Variants in CRTC1 observed in about 807,000 individuals in gnomAD.
CRTC1 encodes the protein CREB regulated transcription coactivator 1, also known as CREB-regulated transcription coactivator 1.
CRTC1 carries 18 observed loss-of-function variants against 66.1 expected under a neutral mutation model. The ratio of observed to expected loss-of-function variants is 0.27; its 90% CI spans 0.19 to 0.40. The LOEUF (loss-of-function observed/expected upper bound fraction) is 0.40, where lower values mean the gene tolerates loss of function less well. CRTC1 is among the 10% of genes least tolerant of loss of function. The probability of loss-of-function intolerance (pLI) is 1.00; values close to 1 mark genes in which losing one functional copy is unlikely to be tolerated. For missense variants in CRTC1, 669 were observed against 887.9 expected (o/e 0.75, Z 3.13); for synonymous variants, 416 against 398.8 (o/e 1.04, Z -0.51).
intron 13 of CRTC1, among the ~76,000 whole-genome samples, chr19:18,776,851 G>A (rs959920225): frequency 1.3e-5 from 2 of 152,178 alleles, no homozygotes; most frequent in East Asian, 1.9e-4. Flanking sequence ...TGAGGGAGCC[G>A]GGGAGGTCCC....
At position 18,759,578 on chromosome 19, in the gene CRTC1, G is replaced by T; in HGVS notation, c.652G>T (p.Val218Phe). ...GGGGTCCAGGCCCAAGTCCTGTGAG[G>T]TCCCCGGAATCAAGTAAGTCTCCAC... is the stretch of plus-strand genomic sequence containing the variant. ...KTGSRPKSCE[V>F]PGINIFPSAD... Residue 218 changes from valine (V) to phenylalanine (F), a missense_variant, in exon 7 of 14, where the codon GTC (valine) becomes TTC (phenylalanine). Physicochemically the swap from Val to Phe is conservative, Grantham distance 50 (BLOSUM62 -1). This residue lies in a region of CRTC1 where 214 missense variants were observed against 323.4 expected (regional missense o/e 0.66). Transcript: ENST00000321949. The T allele has an allele frequency of 1.2e-6, 2 of 1,613,022 alleles. No individual in the cohort carries two copies. The highest frequency in any genetic ancestry group is 1.7e-6 in the Non-Finnish European group (2 of 1,179,698).
chr19:18,769,128 C>T (rs1050701088), intron 10 of CRTC1, among the ~76,000 whole-genome samples: 4 of 152,200 alleles, frequency 2.6e-5, no homozygotes, highest in African/African-American at 4.8e-5. Flanking sequence ...AAGAGTACGG[C>T]GTTCTCAGGG....
intron 6 of CRTC1, 112 bp from the exon 7 acceptor site, chr19:18,759,439 T>C: frequency 9.0e-7 from 1 of 1,113,400 alleles, no homozygotes; most frequent in Non-Finnish European, 1.3e-6. Flanking sequence ...GTTCTCATGA[T>C]GCATCTCTGG....
At chr19:18,750,576 C>T (rs1415320129) in intron 5 of CRTC1, among the ~76,000 whole-genome samples, 1 of 152,238 alleles carries the variant, frequency 6.6e-6, no homozygotes, top group African/African-American at 2.4e-5. Context: ...TTGAGGCCAG[C>T]CCCAGGGAAC....
rs116025623 is a variant in CRTC1 at position 18,684,614 on chromosome 19, A to G, written c.126+786A>G. On this transcript the variant is annotated intron_variant, in intron 1 of 13. Coordinates refer to ENST00000321949, the MANE Select transcript of CRTC1 (RefSeq NM_015321.3). Reference sequence around the variant, plus strand: ...CAGCTGCCCCTTCTCCATGTAGCCCATATGGTGGGGGCCAGGTGATGTTCC... The same window carrying G: ...CAGCTGCCCCTTCTCCATGTAGCCCGTATGGTGGGGGCCAGGTGATGTTCC... Among the ~76,000 whole-genome samples, 653 of 152,178 alleles carry G rather than the reference A, an allele frequency of 4.3e-3. 6 individuals carry two copies. The highest frequency in any genetic ancestry group is 0.012 in the South Asian group (60 of 4,824).
chr19:18,688,344 T>C, intron 1 of CRTC1, among the ~76,000 whole-genome samples: 1 of 151,760 alleles, frequency 6.6e-6, no homozygotes, highest in Non-Finnish European at 1.5e-5. Context: ...TGAGAATGGG[T>C]GGAAAGCAGG....
chr19:18,753,029 G>T (rs1022267244), intron 5 of CRTC1, among the ~76,000 whole-genome samples: 2 of 151,856 alleles, frequency 1.3e-5, no homozygotes, highest in African/African-American at 4.8e-5. Context: ...ACTTTGGGAG[G>T]CCAAGGCGGG....
intron 1 of CRTC1, among the ~76,000 whole-genome samples, chr19:18,708,863 G>A (rs1375477028): frequency 6.6e-6 from 1 of 152,198 alleles, no homozygotes; most frequent in African/African-American, 2.4e-5. Context: ...CAGCCACCCT[G>A]CCCACGCCGT....
At chr19:18,720,886 C>T (rs924077831) in intron 1 of CRTC1, among the ~76,000 whole-genome samples, 9 of 151,940 alleles carry the variant, frequency 5.9e-5, no homozygotes, top group African/African-American at 1.7e-4. Context: ...GAGTACACTG[C>T]CTGCACACAT....
Position 18,768,901 on chromosome 19 carries a change from C to T in CRTC1, c.1320+108C>T. ...CTGCTGCATGGGCCAGGGGTCAGAA[C>T]CCCAGCGAACGCTGCCTGGGCCCAC... On this transcript the variant is annotated intron_variant, in intron 10 of 13. Coordinates refer to ENST00000321949, the MANE Select transcript of CRTC1 (RefSeq NM_015321.3). This position sits in a 1 kb window ranked among gnomAD's most constrained non-coding sequence, Gnocchi z 5.6. 1.5e-6 allele frequency: 2 copies of T among 1,377,018 alleles called. No individual in the cohort carries two copies. Among genetic ancestry groups the T allele is most frequent in the Non-Finnish European group, 1.9e-6 (2 of 1,037,132 alleles). 85.3% of individuals were successfully genotyped at this position (1,377,018 alleles called of 1,614,324 possible). A position where few individuals can be genotyped will look rare whatever the true frequency, so the allele number is the denominator to read the frequency against.
Position 18,782,078 on chromosome 19 carries a change from T to C in CRTC1, c.*4696T>C, listed in dbSNP as rs1054059623. 7 of 225,014 alleles carry C rather than the reference T, an allele frequency of 3.1e-5. No individual in the cohort carries two copies. Among genetic ancestry groups the C allele is most frequent in the African/African-American group, 8.9e-5 (4 of 44,790 alleles). 13.9% of individuals were successfully genotyped at this position (225,014 alleles called of 1,614,324 possible). A position where few individuals can be genotyped will look rare whatever the true frequency, so the allele number is the denominator to read the frequency against. ...TAGGGGCTGGGTGGCCCCACTGATA[T>C]ATGCAAACCCGCCGGTCCGAGCCCT... On this transcript the variant is annotated 3_prime_UTR_variant, in exon 14 of 14. Coordinates refer to ENST00000321949, the MANE Select transcript of CRTC1 (RefSeq NM_015321.3).
intron 1 of CRTC1, among the ~76,000 whole-genome samples, chr19:18,701,921 TG>T (rs2053150584): frequency 2.7e-5 from 4 of 147,976 alleles, no homozygotes; most frequent in Non-Finnish European, 4.5e-5. Flanking sequence ...CCCACCGTTT[TG>T]TTTTTTTTTT....
chr19:18,764,423 G>T (rs560285091), intron 8 of CRTC1, among the ~76,000 whole-genome samples: 1 of 152,250 alleles, frequency 6.6e-6, no homozygotes, highest in East Asian at 1.9e-4. Context: ...GCTCGCAGGG[G>T]TCCTCCTGCC....
chr19:18,759,697 G>A (rs1021367974), intron 7 of CRTC1, 106 bp downstream of exon 7: 1 of 1,263,036 alleles, frequency 7.9e-7, no homozygotes, highest in Non-Finnish European at 1.1e-6. Flanking sequence ...CTGCAAGAGG[G>A]ACACTGTGTG....
At chr19:18,707,174 A>G (rs940707581) in intron 1 of CRTC1, among the ~76,000 whole-genome samples, 1 of 152,140 alleles carries the variant, frequency 6.6e-6, no homozygotes, top group Non-Finnish European at 1.5e-5. Context: ...TTTAGTATAT[A>G]TAGTTTTAGC....
chr19:18,723,682 T>C (rs1369005913), intron 1 of CRTC1, among the ~76,000 whole-genome samples: 2 of 152,224 alleles, frequency 1.3e-5, no homozygotes, highest in Admixed American at 1.3e-4. Flanking sequence ...CTGGTTGGTA[T>C]TTCTGCCTGA....
intron 1 of CRTC1, among the ~76,000 whole-genome samples, chr19:18,700,520 T>A (rs2053110381): frequency 6.6e-6 from 1 of 151,722 alleles, no homozygotes. Flanking sequence ...ATAAAAAAAA[T>A]GAAAATAAAG....
At position 18,697,590 on chromosome 19, in the gene CRTC1, A is replaced by G. The variant is rs10421071; in HGVS notation, c.126+13762A>G. Among the ~76,000 whole-genome samples the G allele has an allele frequency of 7.8e-3, 1,189 of 152,298 alleles. 12 individuals are homozygous for G. Among genetic ancestry groups the G allele is most frequent in the African/African-American group, 0.028 (1,152 of 41,562 alleles). On this transcript the variant is annotated intron_variant, in intron 1 of 13. Coordinates refer to ENST00000321949, the MANE Select transcript of CRTC1 (RefSeq NM_015321.3). ...CTCCCAAAATGCTGGGATTACAGGCATGAGCCAATGCTCTTGGCCCAACCT... is the reference window on the plus strand; with the variant it reads ...CTCCCAAAATGCTGGGATTACAGGCGTGAGCCAATGCTCTTGGCCCAACCT...
At chr19:18,755,926 G>A (rs930337517) in intron 6 of CRTC1, among the ~76,000 whole-genome samples, 2 of 151,918 alleles carry the variant, frequency 1.3e-5, no homozygotes, top group African/African-American at 4.8e-5. Context: ...TGTTAAAGAC[G>A]GGGGTCTCAC....
Sources: allele counts gnomAD v4.1 joint callset (sites outside exome capture counted in the v4.1 genomes callset), GRCh38; gene constraint gnomAD v4.1.1; regional missense constraint gnomAD v4.1.1; non-coding constraint Gnocchi (gnomAD v3.1); transcripts MANE v1.5; gene names NCBI Gene and HGNC (gene_info 2026-07-23, HGNC 2026-07-21).